TMEM232: variants seen among roughly 807,000 people sequenced by gnomAD.
TMEM232 encodes the protein transmembrane protein 232.
Under a neutral mutation model 78.8 loss-of-function variants are expected in TMEM232, and 80 were observed. The observed-to-expected ratio is 1.01, with a 90% CI of 0.85 to 1.22. TMEM232 has a LOEUF of 1.22. TMEM232 is among the 50% of genes most tolerant of loss of function. The probability of loss-of-function intolerance (pLI) is 0.00; values close to 1 mark genes in which losing one functional copy is unlikely to be tolerated. For missense variants in TMEM232, 881 were observed against 742.2 expected (o/e 1.19, Z -2.17); for synonymous variants, 297 against 254.3 (o/e 1.17, Z -1.60).
At chr5:110,496,978 AT>A (rs1464347128) in intron 12 of TMEM232, among the ~76,000 whole-genome samples, 1 of 152,058 alleles carries the variant, frequency 6.6e-6, no homozygotes, top group Non-Finnish European at 1.5e-5. Flanking sequence ...AGAAAAAGGA[AT>A]TAAATTCCTA....
chr5:110,476,738 T>A (rs1763297311), intron 12 of TMEM232, among the ~76,000 whole-genome samples: 1 of 152,064 alleles, frequency 6.6e-6, no homozygotes, highest in Non-Finnish European at 1.5e-5. Context: ...CCAGATGTAA[T>A]TATTACAGCA....
chr5:110,461,095 C>T (rs549926414), intron 12 of TMEM232, among the ~76,000 whole-genome samples: 9 of 151,754 alleles, frequency 5.9e-5, no homozygotes, highest in Non-Finnish European at 1.0e-4. Flanking sequence ...CCCTTTCAAT[C>T]GAAATCTAGA....
chr5:110,473,206 T>C (rs560590711), intron 12 of TMEM232, among the ~76,000 whole-genome samples: 1 of 152,066 alleles, frequency 6.6e-6, no homozygotes, highest in South Asian at 2.1e-4. Flanking sequence ...AAGAGGTTAA[T>C]AACCAGAATA....
chr5:110,500,160 C>A (rs968499607), intron 12 of TMEM232, among the ~76,000 whole-genome samples: 30 of 151,478 alleles, frequency 2.0e-4, no homozygotes, highest in African/African-American at 7.3e-4. Context: ...GGTGTGGTGG[C>A]GGGTGCCTGT....
intron 1 of TMEM232, among the ~76,000 whole-genome samples, chr5:110,674,313 A>G (rs1791751075): frequency 6.6e-6 from 1 of 152,196 alleles, no homozygotes; most frequent in African/African-American, 2.4e-5. Context: ...TGTAAATTTG[A>G]CAAGTATTTA....
At chr5:110,679,684 G>T (rs867730026) in intron 1 of TMEM232, among the ~76,000 whole-genome samples, 1 of 151,964 alleles carries the variant, frequency 6.6e-6, no homozygotes, top group South Asian at 2.1e-4. Flanking sequence ...TGTTATGATT[G>T]AGGAATGACA....
intron 1 of TMEM232, among the ~76,000 whole-genome samples, chr5:110,736,319 CTG>C (rs1799159586): frequency 2.0e-5 from 3 of 152,208 alleles, no homozygotes; most frequent in Middle Eastern, 6.8e-3. Context: ...ATCTTTATTG[CTG>C]TGTCTGCCCA....
intron 10 of TMEM232, among the ~76,000 whole-genome samples, chr5:110,569,672 T>A (rs1776719571): frequency 6.6e-6 from 1 of 151,916 alleles, no homozygotes; most frequent in South Asian, 2.1e-4. Flanking sequence ...ATCCTCAACT[T>A]TTCCAAATGA....
intron 2 of TMEM232, among the ~76,000 whole-genome samples, chr5:110,733,943 T>A (rs1428715579): frequency 6.6e-6 from 1 of 152,232 alleles, no homozygotes; most frequent in Non-Finnish European, 1.5e-5. Context: ...ATATTGCATT[T>A]ACTCAGATTA....
chr5:110,613,856 T>C (rs1782601950), intron 8 of TMEM232, among the ~76,000 whole-genome samples: 1 of 152,110 alleles, frequency 6.6e-6, no homozygotes, highest in African/African-American at 2.4e-5. Context: ...TACAGGCCTT[T>C]ATATAAATAA....
At position 110,499,627 on chromosome 5, in the gene TMEM232, A is replaced by ACCCCT. The variant is rs1554091638; in HGVS notation, c.1703+28960_1703+28961insAGGGG. Reference sequence around the variant, plus strand: ...AGAGAGGGGAAAAATATATGTATACACCCCCCCCCACACACACACATATAT... The same window carrying ACCCCT: ...AGAGAGGGGAAAAATATATGTATACACCCCTCCCCCCCCCACACACACACATATAT... On this transcript the variant is annotated intron_variant, in intron 12 of 13. Transcript: ENST00000455884. Among the ~76,000 whole-genome samples, 1,151 of 119,476 alleles carry ACCCCT rather than the reference A, an allele frequency of 9.6e-3. 24 individuals are homozygous for ACCCCT. Among genetic ancestry groups the ACCCCT allele is most frequent in the African/African-American group, 0.048 (1,058 of 22,100 alleles). 78.4% of individuals were successfully genotyped at this position (119,476 alleles called of 152,430 possible).
At chr5:110,457,028 TTCA>T (rs1308145998) in intron 12 of TMEM232, among the ~76,000 whole-genome samples, 4 of 152,100 alleles carry the variant, frequency 2.6e-5, no homozygotes, top group African/African-American at 9.6e-5. Context: ...TAAATTGGAC[TTCA>T]TCAAGAATAA....
chr5:110,499,376 C>T (rs981663441), intron 12 of TMEM232, among the ~76,000 whole-genome samples: 3 of 152,096 alleles, frequency 2.0e-5, no homozygotes, highest in African/African-American at 4.8e-5. Context: ...CTGAACCTCA[C>T]GAGTAGCAGG....
chr5:110,463,689 T>C (rs1761776636), intron 12 of TMEM232, among the ~76,000 whole-genome samples: 1 of 152,210 alleles, frequency 6.6e-6, no homozygotes, highest in South Asian at 2.1e-4. Context: ...GTCTTACTCC[T>C]AAGGCCTCTT....
At chr5:110,654,500 T>A (rs1266241235) in intron 2 of TMEM232, among the ~76,000 whole-genome samples, 1 of 152,172 alleles carries the variant, frequency 6.6e-6, no homozygotes, top group Non-Finnish European at 1.5e-5. Flanking sequence ...TTCTATTCCA[T>A]TGATCTATAT....
chr5:110,524,444 GGAAA>G (rs1314907710), intron 12 of TMEM232, among the ~76,000 whole-genome samples: 55 of 146,270 alleles, frequency 3.8e-4, no homozygotes, highest in African/African-American at 1.2e-3. Flanking sequence ...AGAAAAGAAA[GGAAA>G]GAAAGAAAGA....
intron 1 of TMEM232, among the ~76,000 whole-genome samples, chr5:110,714,056 T>A (rs562353133): frequency 6.6e-6 from 1 of 152,110 alleles, no homozygotes; most frequent in Non-Finnish European, 1.5e-5. Flanking sequence ...TGCAATACTT[T>A]CTAAGGACAG....
chr5:110,521,936 A>C (rs906295570), intron 12 of TMEM232, among the ~76,000 whole-genome samples: 15 of 152,174 alleles, frequency 9.9e-5, no homozygotes, highest in African/African-American at 3.6e-4. Flanking sequence ...TGATTTGGCT[A>C]TTCACAATCT....
At chr5:110,664,140 T>A (rs2150116883) in intron 2 of TMEM232, among the ~76,000 whole-genome samples, 1 of 152,046 alleles carries the variant, frequency 6.6e-6, no homozygotes, top group South Asian at 2.1e-4. Flanking sequence ...ACCCTGTCTG[T>A]AAAAATAAAA....
Sources: gnomAD v4.1 joint callset for allele counts (sites outside exome capture counted in the v4.1 genomes callset) on GRCh38, gnomAD v4.1.1 for gene constraint, MANE v1.5 for transcripts, NCBI Gene and HGNC (gene_info 2026-07-23, HGNC 2026-07-21) for gene names.